Variants in PTPDC1 observed in about 807,000 individuals in gnomAD.
PTPDC1 encodes the protein protein tyrosine phosphatase domain-containing protein 1.
Under a neutral mutation model 75.3 loss-of-function variants are expected in PTPDC1, and 53 were observed. The ratio of observed to expected loss-of-function variants is 0.70; its 90% CI spans 0.56 to 0.88. The LOEUF is 0.88. Among genes scored for constraint, PTPDC1 ranks in the 40% least tolerant of loss-of-function variants. The pLI is 0.00. For synonymous variants in PTPDC1, 349 were observed against 366.2 expected (o/e 0.95, Z 0.54); for missense variants, 925 against 998.6 (o/e 0.93, Z 0.99).
chr9:94,053,653 G>A (rs969507792), intron 1 of PTPDC1, among the ~76,000 whole-genome samples: 1 of 152,172 alleles, frequency 6.6e-6, no homozygotes, highest in East Asian at 1.9e-4. Context: ...AGAAAATTGG[G>A]CTGAGGGTTG....
chr9:94,050,736 A>G (rs541161674), intron 1 of PTPDC1, among the ~76,000 whole-genome samples: 1 of 152,284 alleles, frequency 6.6e-6, no homozygotes, highest in South Asian at 2.1e-4. Flanking sequence ...ACTCTCTTCA[A>G]AGCTGTCAGA....
upstream of PTPDC1, among the ~76,000 whole-genome samples, chr9:94,083,256 CATAT>C (rs1395995068): frequency 6.6e-6 from 1 of 152,176 alleles, no homozygotes; most frequent in Non-Finnish European, 1.5e-5. Context: ...GAATAATCCT[CATAT>C]AATTCCTCCG....
In PTPDC1 at chr9:94,090,457, G is replaced by C. The variant is rs1459248146; in HGVS notation, c.616+2194G>C. ...GATCTATATCTCTGTTTTGGTACCA[G>C]TACCATGCTGTTTTGGTTACTGTAG... On this transcript the variant is annotated intron_variant, in intron 4 of 8. Coordinates refer to ENST00000620992, the MANE Select transcript of PTPDC1 (RefSeq NM_001253829.2). Among the ~76,000 whole-genome samples, 18 of 147,980 alleles carry C rather than the reference G, an allele frequency of 1.2e-4. No individual in the cohort carries two copies. The South Asian group carries it at 3.9e-3, about 32-fold the overall frequency.
intron 2 of PTPDC1, among the ~76,000 whole-genome samples, chr9:94,072,911 A>G (rs1826561878): frequency 6.6e-6 from 1 of 151,998 alleles, no homozygotes. Context: ...GCATTGCTGG[A>G]TTTGATTTGC....
At chr9:94,087,724 A>C (rs1469664012) in intron 2 of PTPDC1, 107 bp from the exon 3 acceptor site, 1 of 723,702 alleles carries the variant, frequency 1.4e-6, no homozygotes. Flanking sequence ...ATTCTAACAG[A>C]GTTGTTGAAA....
chr9:94,084,810 T>A lies in PTPDC1; in HGVS notation c.244+36T>A, dbSNP rs1270435159. The A allele has an allele frequency of 2.8e-6, 4 of 1,415,538 alleles. No individual in the cohort carries two copies. The Admixed American group carries it at 9.2e-5, about 32-fold the overall frequency. 87.7% of individuals were successfully genotyped at this position (1,415,538 alleles called of 1,614,324 possible). On this transcript the variant is annotated intron_variant, in intron 1 of 8. Transcript: ENST00000620992. The stretch of plus-strand genomic sequence containing the variant: ...TCTTATAGATTGCCATACCTATGTA[T>A]ATAAGTTTGAGGAATGGGAATCAGC...
chr9:94,067,711 C>G (rs1443795779), intron 2 of PTPDC1, among the ~76,000 whole-genome samples: 2 of 152,128 alleles, frequency 1.3e-5, no homozygotes, highest in Non-Finnish European at 2.9e-5. Context: ...AAGCGATTCT[C>G]ATGTTTCAGC....
At chr9:94,049,263 T>C (rs542375106) in intron 1 of PTPDC1, among the ~76,000 whole-genome samples, 2 of 152,352 alleles carry the variant, frequency 1.3e-5, no homozygotes, top group African/African-American at 4.8e-5. Context: ...AACCTGATGT[T>C]AGCTGGTTAT....
chr9:94,037,516 C>A (rs1244307183), intron 1 of PTPDC1, among the ~76,000 whole-genome samples: 1 of 151,904 alleles, frequency 6.6e-6, no homozygotes, highest in Non-Finnish European at 1.5e-5. Context: ...GATATGTTCT[C>A]TTTTGTAGCT....
At chr9:94,091,237 T>C (rs537331952) in intron 4 of PTPDC1, among the ~76,000 whole-genome samples, 7,737 of 151,970 alleles carry the variant, frequency 0.051, 608 homozygotes, top group African/African-American at 0.18. Context: ...ATAGCTCTTA[T>C]TATTTTGAAA....
At position 94,045,087 on chromosome 9, in the gene PTPDC1, C is replaced by T. The variant is rs541198386; in HGVS notation, c.-7+13960C>T. Among the ~76,000 whole-genome samples the T allele has an allele frequency of 1.0e-4, 15 of 144,600 alleles. No individual in the cohort carries two copies. In the South Asian group the frequency reaches 1.1e-3, roughly 11 times the overall value. The allele number at this position is 144,600 out of a possible 152,430, so 94.9% of individuals were successfully genotyped here. ...CAATTCCCACCTATGAGTGAGAACA[C>T]GCGGTGTTTGGTTTTTTGTCCCTGC... On this transcript the variant is annotated intron_variant, in intron 1 of 9. Transcript: ENST00000375360.
At chr9:94,088,387 G>A in intron 4 of PTPDC1, 124 bp downstream of exon 4, 1 of 1,116,964 alleles carries the variant, frequency 9.0e-7, no homozygotes, top group Non-Finnish European at 1.2e-6. Flanking sequence ...GTAAGGTTTA[G>A]AAAAAATGAG....
chr9:94,071,086 G>GCCA (rs1826499355), intron 2 of PTPDC1, among the ~76,000 whole-genome samples: 1 of 152,034 alleles, frequency 6.6e-6, no homozygotes, highest in African/African-American at 2.4e-5. Flanking sequence ...ATATGAAACC[G>GCCA]CCAAACTGTT....
chr9:94,035,032 T>C (rs141486268), intron 1 of PTPDC1, among the ~76,000 whole-genome samples: 13 of 152,372 alleles, frequency 8.5e-5, no homozygotes, highest in Admixed American at 6.5e-4. Flanking sequence ...AATAGTAATA[T>C]GTTTACTTTA....
At chr9:94,086,029 T>C (rs1192043217) in intron 2 of PTPDC1, among the ~76,000 whole-genome samples, 1 of 152,230 alleles carries the variant, frequency 6.6e-6, no homozygotes, top group East Asian at 1.9e-4. Context: ...TAGTAACATC[T>C]GAAAAATTCT....
intron 4 of PTPDC1, among the ~76,000 whole-genome samples, chr9:94,092,589 G>T (rs970618020): frequency 1.3e-5 from 2 of 152,034 alleles, no homozygotes; most frequent in Non-Finnish European, 2.9e-5. Context: ...TTCTGTAGAT[G>T]TCTATTAGGT....
At chr9:94,087,935 C>G in intron 3 of PTPDC1, 24 bp downstream of exon 3, 1 of 1,572,316 alleles carries the variant, frequency 6.4e-7, no homozygotes, top group Non-Finnish European at 8.7e-7. Context: ...TGTTCACACA[C>G]GAGTGAGCAA....
intron 1 of PTPDC1, among the ~76,000 whole-genome samples, chr9:94,057,775 G>C (rs1825992172): frequency 6.6e-6 from 1 of 152,178 alleles, no homozygotes; most frequent in Non-Finnish European, 1.5e-5. Flanking sequence ...GTTATATACA[G>C]TTGGACTATA....
intron 1 of PTPDC1, among the ~76,000 whole-genome samples, chr9:94,037,060 G>A (rs1825294812): frequency 6.6e-6 from 1 of 152,182 alleles, no homozygotes; most frequent in South Asian, 2.1e-4. Flanking sequence ...ATATGCTTAA[G>A]AAGATCTAGG....
Sources: allele counts gnomAD v4.1 joint callset (sites outside exome capture counted in the v4.1 genomes callset), GRCh38; gene constraint gnomAD v4.1.1; transcripts MANE v1.5; gene names NCBI Gene and HGNC (gene_info 2026-07-23, HGNC 2026-07-21).